The following COL25A1 variants were observed in gnomAD, a reference collection of about 807,000 sequenced individuals.
COL25A1 encodes collagen alpha-1(XXV) chain.
In COL25A1, 103 loss-of-function variants were observed where a neutral mutation model predicts 128.4. The ratio of observed to expected loss-of-function variants is 0.80; its 90% confidence interval spans 0.68 to 0.94. The LOEUF is 0.94. Among genes scored for constraint, COL25A1 ranks in the 40% least tolerant of loss-of-function variants. The pLI, the probability that COL25A1 is intolerant of heterozygous loss-of-function variation, is 0.00. For missense variants in COL25A1, 745 were observed against 840.0 expected (o/e 0.89, Z 1.40); for synonymous variants, 279 against 277.2 (o/e 1.01, Z -0.06).
At chr4:108,914,209 A>T (rs1487816999) in intron 13 of COL25A1, among the ~76,000 whole-genome samples, 3 of 152,124 alleles carry the variant, frequency 2.0e-5, no homozygotes, top group African/African-American at 7.2e-5. Flanking sequence ...GAAACAAGAC[A>T]TGGGGGATGG....
chr4:109,252,596 T>A (rs1780737097), intron 3 of COL25A1, among the ~76,000 whole-genome samples: 1 of 152,238 alleles, frequency 6.6e-6, no homozygotes, highest in Admixed American at 6.5e-5. Flanking sequence ...CAGGTGGGTC[T>A]ATCCATATAC....
chr4:108,957,193 A>T (rs139568465), intron 8 of COL25A1, among the ~76,000 whole-genome samples: 6 of 152,272 alleles, frequency 3.9e-5, no homozygotes, highest in Non-Finnish European at 7.4e-5. Flanking sequence ...AGGAGGACAT[A>T]GAAGCATGAA....
intron 6 of COL25A1, among the ~76,000 whole-genome samples, chr4:109,006,274 A>T (rs1469716539): frequency 1.3e-5 from 2 of 149,588 alleles, no homozygotes; most frequent in East Asian, 4.0e-4. Flanking sequence ...AGTCCAGTGG[A>T]GCTATCTTGG....
At chr4:108,871,243 T>G (rs945391959) in intron 19 of COL25A1, among the ~76,000 whole-genome samples, 1 of 152,162 alleles carries the variant, frequency 6.6e-6, no homozygotes, top group Non-Finnish European at 1.5e-5. Flanking sequence ...AGGGGAAAAT[T>G]TATTTCTAGA....
intron 6 of COL25A1, among the ~76,000 whole-genome samples, chr4:108,985,354 C>T (rs1753565633): frequency 6.6e-6 from 1 of 152,180 alleles, no homozygotes; most frequent in African/African-American, 2.4e-5. Context: ...TCACCCTCTC[C>T]TAAAGACAAG....
At chr4:109,240,181 C>G (rs1779798440) in intron 3 of COL25A1, among the ~76,000 whole-genome samples, 1 of 151,714 alleles carries the variant, frequency 6.6e-6, no homozygotes, top group Non-Finnish European at 1.5e-5. Flanking sequence ...ATATATAAAC[C>G]AGTAACATAG....
intron 37 of COL25A1, among the ~76,000 whole-genome samples, chr4:108,816,050 C>T (rs184173181): frequency 2.7e-4 from 41 of 152,068 alleles, no homozygotes; most frequent in African/African-American, 7.0e-4. Context: ...ATTCTGTGAA[C>T]GGGGGTTATG....
chr4:108,856,516 C>A (rs1736525582), intron 24 of COL25A1, among the ~76,000 whole-genome samples: 1 of 152,030 alleles, frequency 6.6e-6, no homozygotes. Flanking sequence ...AAATGTCTAC[C>A]ATCTCTTCTC....
Position 108,899,161 on chromosome 4 carries a change from C to A in COL25A1, c.854G>T (p.Gly285Val), listed in dbSNP as rs1345922459. 7 of 1,609,734 alleles carry A rather than the reference C, an allele frequency of 4.3e-6. No homozygotes were observed. Among genetic ancestry groups the A allele is most frequent in the Non-Finnish European group, 4.2e-6 (5 of 1,178,122 alleles). Residue 285 changes from glycine to valine, a missense_variant, in exon 15 of 38, where the codon GGT (glycine) becomes GTT (valine). Physicochemically the swap from Gly to Val is moderately radical, Grantham distance 109 (BLOSUM62 -3). Transcript: ENST00000399132. ...AGGCAGAATCATTCTTACCTTTTCA[C>A]CTTGTTCTCCAGGTTCTCCCTGAGC... ...PGPKGEPGEQ[G>V]EKGDAGENGP...
intron 33 of COL25A1, among the ~76,000 whole-genome samples, chr4:108,826,613 T>C (rs1228309268): frequency 6.6e-6 from 1 of 152,180 alleles, no homozygotes; most frequent in Admixed American, 6.5e-5. Flanking sequence ...CTGCAGATCA[T>C]TTGTCATCAC....
At chr4:109,257,181 T>A (rs1382260387) in intron 3 of COL25A1, among the ~76,000 whole-genome samples, 1 of 152,228 alleles carries the variant, frequency 6.6e-6, no homozygotes, top group African/African-American at 2.4e-5. Flanking sequence ...TTTGGAAGAT[T>A]TTATATTTCA....
chr4:109,277,484 G>C (rs111918957), intron 3 of COL25A1, among the ~76,000 whole-genome samples: 9 of 152,228 alleles, frequency 5.9e-5, no homozygotes, highest in African/African-American at 2.2e-4. Context: ...CTTCAGTTTT[G>C]AAACAGATTT....
At chr4:109,210,298 C>T (rs1777394587) in intron 3 of COL25A1, among the ~76,000 whole-genome samples, 1 of 152,164 alleles carries the variant, frequency 6.6e-6, no homozygotes. Context: ...GAAATTTTCA[C>T]AATTTTAATA....
chr4:108,919,758 GA>G (rs201419136), intron 12 of COL25A1, among the ~76,000 whole-genome samples: 16 of 150,252 alleles, frequency 1.1e-4, no homozygotes, highest in Non-Finnish European at 1.9e-4. Context: ...ATCAGAATTT[GA>G]AAAAAAAAAT....
chr4:109,105,856 C>A (rs1024736688), intron 3 of COL25A1, among the ~76,000 whole-genome samples: 1 of 152,190 alleles, frequency 6.6e-6, no homozygotes, highest in Non-Finnish European at 1.5e-5. Flanking sequence ...AAATACACTT[C>A]TTTTATGAAA....
intron 3 of COL25A1, among the ~76,000 whole-genome samples, chr4:109,087,250 A>C (rs1267442465): frequency 6.6e-6 from 1 of 152,138 alleles, no homozygotes; most frequent in Non-Finnish European, 1.5e-5. Flanking sequence ...GTGAAAAAAA[A>C]AAAATCAAAA....
At chr4:109,181,631 T>A (rs1303113746) in intron 3 of COL25A1, among the ~76,000 whole-genome samples, 2 of 152,152 alleles carry the variant, frequency 1.3e-5, no homozygotes, top group Non-Finnish European at 2.9e-5. Flanking sequence ...TGTTTTGAAA[T>A]GTGAATATAC....
At chr4:109,107,992 A>G (rs1766611702) in intron 3 of COL25A1, among the ~76,000 whole-genome samples, 1 of 152,166 alleles carries the variant, frequency 6.6e-6, no homozygotes, top group African/African-American at 2.4e-5. Flanking sequence ...ATCAGTGTAA[A>G]CTTTCTACAT....
rs527864292 is a variant in COL25A1, at chr4:109,222,300, G to A, written c.367+78283C>T. Among the ~76,000 whole-genome samples the A allele has an allele frequency of 9.6e-4, 146 of 151,964 alleles. 1 individual carries two copies. Among genetic ancestry groups the A allele is most frequent in the African/African-American group, 3.4e-3 (141 of 41,470 alleles). On this transcript the variant is annotated intron_variant, in intron 3 of 37. Coordinates refer to ENST00000399132, the MANE Select transcript of COL25A1 (RefSeq NM_198721.4). ...GATGGTCTCGATCTCCTGACCTCGT[G>A]ATCCGCCCGCCTCGGCCTCCCAAAG... is the stretch of plus-strand genomic sequence containing the variant.
Sources: gnomAD v4.1 joint callset for allele counts (sites outside exome capture counted in the v4.1 genomes callset) on GRCh38, gnomAD v4.1.1 for gene constraint, MANE v1.5 for transcripts, NCBI Gene and HGNC (gene_info 2026-07-23, HGNC 2026-07-21) for gene names.